The following BNC1 variants were observed in gnomAD, a reference collection of about 807,000 sequenced individuals.
BNC1 encodes the protein basonuclin zinc finger protein 1.
A neutral mutation model predicts 66.5 loss-of-function variants in BNC1; 8 were observed. The ratio of observed to expected loss-of-function variants is 0.12; its 90% CI spans 0.07 to 0.22. The LOEUF (loss-of-function observed/expected upper bound fraction) is 0.22, where lower values mean the gene tolerates loss of function less well. Ranked by LOEUF, BNC1 falls within the 10% of genes least tolerant of loss-of-function variation. The pLI, the probability that BNC1 is intolerant of heterozygous loss-of-function variation, is 1.00. For synonymous variants in BNC1, 454 were observed against 452.6 expected, an observed-to-expected ratio of 1.00 and a Z score of -0.04; for missense variants, 1,069 against 1,241.3, an observed-to-expected ratio of 0.86 and a Z score of 2.09.
Position 83,257,296 on chromosome 15 carries a change from C to A in BNC1, c.*146G>T. 2 of 948,424 alleles carry A rather than the reference C, an allele frequency of 2.1e-6. No individual in the cohort carries two copies. The highest frequency in any genetic ancestry group is 3.1e-6 in the Non-Finnish European group (2 of 639,108). 58.8% of individuals were successfully genotyped at this position (948,424 alleles called of 1,614,324 possible). On this transcript the variant is annotated 3_prime_UTR_variant, in exon 5 of 5. Transcript: ENST00000345382. ...CTTCCCACGAGGTTTGTCTTTTGCT[C>A]ATTGTGCTGTGGAAAACTATAAAGT... is the stretch of plus-strand genomic sequence containing the variant.
Position 83,257,451 on chromosome 15 carries a change from G to A in BNC1, c.2976C>T (p.His992=), listed in dbSNP as rs2151433459. 3 of 1,611,502 alleles carry A rather than the reference G, an allele frequency of 1.9e-6. No homozygotes were observed. Among genetic ancestry groups the A allele is most frequent in the Non-Finnish European group, 2.5e-6 (3 of 1,178,450 alleles). ...TTGGTTTGCCATCTTGTTACTGGAG[G>A]TGACTTGGAGATGAGGCCAGGCTTT... ...LHKSLASSPS[H]LQ The change falls in exon 5 of 5, where the codon CAC becomes CAT. Residue 992 remains histidine, a synonymous_variant. Coordinates refer to ENST00000345382, the MANE Select transcript of BNC1 (RefSeq NM_001717.4).
chr15:83,271,013 C>T (rs917789973), intron 1 of BNC1, among the ~76,000 whole-genome samples: 4 of 152,160 alleles, frequency 2.6e-5, no homozygotes, highest in African/African-American at 4.8e-5. Context: ...CAGTGGCTCA[C>T]GCCTGTAATC....
rs775967686 is a variant in BNC1 at position 83,278,381 on chromosome 15, G to GA, written c.99+6148dup. Among the ~76,000 whole-genome samples the GA allele has an allele frequency of 2.8e-4, 43 of 152,146 alleles. 1 individual carries two copies. The highest frequency in any genetic ancestry group is 1.8e-3 in the Admixed American group (27 of 15,268). ...CTAGGGAAGACTTGAATGACTGCAA[G>GA]AAAAAATCACACAACTGGGTTGGTC... On this transcript the variant is annotated intron_variant, in intron 1 of 4. Transcript: ENST00000345382.
In BNC1 at chr15:83,257,868, G is replaced by A. The variant is rs1418431412; in HGVS notation, c.2559C>T (p.Gly853=). The change falls in exon 5 of 5, where the codon GGC becomes GGT. Residue 853 remains glycine, a synonymous_variant. Transcript: ENST00000345382. ...ESYNSGPLSE[G]TILDLSTTSS... The stretch of plus-strand genomic sequence containing the variant: ...AGGTAGTGCTCAAATCCAGGATGGT[G>A]CCCTCGCTCAAGGGGCCAGAGTTGT... 5.0e-6 allele frequency: 8 copies of A among 1,614,058 alleles called. No individual in the cohort carries two copies. The highest frequency in any genetic ancestry group is 6.8e-6 in the Non-Finnish European group (8 of 1,180,042).
At position 83,264,628 on chromosome 15, in the gene BNC1, A is replaced by G. The variant is rs1184764799; in HGVS notation, c.623T>C (p.Ile208Thr). Residue 208 changes from isoleucine (I) to threonine (T), a missense_variant, in exon 4 of 5, where the codon ATC becomes ACC. By Grantham distance (89) the Ile-to-Thr change is moderately conservative (BLOSUM62 -1). This residue lies in a region of BNC1 where 181 missense variants were observed against 181.5 expected (regional missense o/e 1.00). Transcript: ENST00000345382. ...AGAACTCCTGTGACTGCAGCTCTCG[A>G]TGAAAGCCCTGATATCTACATTTGC... ...STANVDIRAF[I>T]ESCSHRSSSL... The G allele has an allele frequency of 6.2e-7, 1 of 1,614,162 alleles. No individual in the cohort carries two copies. Among genetic ancestry groups the G allele is most frequent in the Non-Finnish European group, 8.5e-7 (1 of 1,180,024 alleles).
At chr15:83,260,414 C>T (rs2038128070) in intron 4 of BNC1, among the ~76,000 whole-genome samples, 2 of 151,834 alleles carry the variant, frequency 1.3e-5, no homozygotes, top group African/African-American at 4.8e-5. Flanking sequence ...AGATATAACC[C>T]AAATAGAGAA....
At chr15:83,284,444 C>T in intron 1 of BNC1, 86 bp downstream of exon 1, 1 of 902,576 alleles carries the variant, frequency 1.1e-6, no homozygotes, top group South Asian at 3.8e-5. Flanking sequence ...CCTCGGGTAC[C>T]CACGGGAGCC....
rs752512068 is a variant in BNC1, at chr15:83,263,112, C to T, written c.2139G>A (p.Arg713=). The T allele has an allele frequency of 6.2e-7, 1 of 1,614,194 alleles. No homozygotes were observed. The highest frequency in any genetic ancestry group is 8.5e-7 in the Non-Finnish European group (1 of 1,180,036). Residue 713 remains arginine (R), a synonymous_variant, in exon 4 of 5, where the codon AGG becomes AGA. Coordinates refer to ENST00000345382, the MANE Select transcript of BNC1 (RefSeq NM_001717.4). The stretch of plus-strand genomic sequence containing the variant: ...ACTGGAAGCGATTTTCTTCTATCTG[C>T]CTTGCTAATGCATGCTGACCCACGT... ...LEHVGQHALA[R]QIEENRFQCD...
intron 1 of BNC1, among the ~76,000 whole-genome samples, chr15:83,282,741 C>T (rs143631726): frequency 8.7e-4 from 132 of 152,328 alleles, no homozygotes; most frequent in Middle Eastern, 6.8e-3. Context: ...CTGCCAAATG[C>T]TGTTTTTCAA....
Position 83,263,740 on chromosome 15 carries a change from G to C in BNC1, c.1511C>G (p.Thr504Arg). ...CGGGAGGGAAGGGAGTATCCCAGGC[G>C]TGTTTGCTACCTCGGCAGGCGTGGC... is the stretch of plus-strand genomic sequence containing the variant. Reference protein sequence around the residue: ...SPATPAEVANTPGILPSLPLL... With the variant: ...SPATPAEVANRPGILPSLPLL... The change falls in exon 4 of 5, where the codon ACG (threonine) becomes AGG (arginine). Residue 504 changes from threonine to arginine, a missense_variant. Physicochemically the swap from Thr to Arg is moderately conservative, Grantham distance 71. This residue lies in a region of BNC1 where 657 missense variants were observed against 715.8 expected (regional missense o/e 0.92). Coordinates refer to ENST00000345382, the MANE Select transcript of BNC1 (RefSeq NM_001717.4). 6.2e-7 allele frequency: 1 copy of C among 1,614,184 alleles called. No individual in the cohort carries two copies. Among genetic ancestry groups the C allele is most frequent in the Non-Finnish European group, 8.5e-7 (1 of 1,180,030 alleles).
At chr15:83,284,339 C>A (rs930244531) in intron 1 of BNC1, among the ~76,000 whole-genome samples, 191 bp downstream of exon 1, 8 of 151,976 alleles carry the variant, frequency 5.3e-5, no homozygotes, top group East Asian at 1.9e-4. Flanking sequence ...CCCAACCCCC[C>A]CGCCGCCGCC....
At chr15:83,259,544 C>T (rs181788692) in intron 4 of BNC1, among the ~76,000 whole-genome samples, 5 of 152,342 alleles carry the variant, frequency 3.3e-5, no homozygotes, top group African/African-American at 1.2e-4. Flanking sequence ...AGCAGCCCTT[C>T]TTAACTCCAA....
At chr15:83,274,619 C>A (rs1020534568) in intron 1 of BNC1, among the ~76,000 whole-genome samples, 8 of 152,182 alleles carry the variant, frequency 5.3e-5, no homozygotes, top group African/African-American at 1.7e-4. Flanking sequence ...TATTTTAAAC[C>A]TCACTACAGT....
At position 83,257,995 on chromosome 15, in the gene BNC1, G is replaced by A. The variant is rs2151433743; in HGVS notation, c.2432C>T (p.Thr811Ile). 1.2e-6 allele frequency: 2 copies of A among 1,614,186 alleles called. No homozygotes were observed. Among genetic ancestry groups the A allele is most frequent in the South Asian group, 1.1e-5 (1 of 91,090 alleles). The stretch of plus-strand genomic sequence containing the variant: ...GACAGATGTCTGGGAGGCTTGCTGT[G>A]TAAAAGCCACATCCTGATAGGCTTC... ...AKEAYQDVAF[T>I]QQASQTSVIF... The change falls in exon 5 of 5, where the codon ACA (threonine) becomes ATA (isoleucine). Residue 811 changes from threonine to isoleucine, a missense_variant. Physicochemically the swap from Thr to Ile is moderately conservative, Grantham distance 89. Coordinates refer to ENST00000345382, the MANE Select transcript of BNC1 (RefSeq NM_001717.4).
chr15:83,262,045 G>GTTTT (rs5814139), intron 4 of BNC1, among the ~76,000 whole-genome samples: 12 of 110,546 alleles, frequency 1.1e-4, no homozygotes, highest in Non-Finnish European at 1.6e-4. Context: ...ACTAGTTCAT[G>GTTTT]TTTTTTTTTT....
In BNC1 at chr15:83,257,330, A is replaced by G; in HGVS notation, c.*112T>C. ...GTGGAAAACTATAAAGTCAAATCAA[A>G]TACTTTTGCCTGACTCGCCCCAAAT... is the stretch of plus-strand genomic sequence containing the variant. On this transcript the variant is annotated 3_prime_UTR_variant, in exon 5 of 5. Transcript: ENST00000345382. The G allele has an allele frequency of 1.6e-6, 2 of 1,253,422 alleles. No homozygotes were observed. Among genetic ancestry groups the G allele is most frequent in the Non-Finnish European group, 2.2e-6 (2 of 896,474 alleles). 77.6% of individuals were successfully genotyped at this position (1,253,422 alleles called of 1,614,324 possible). A position where few individuals can be genotyped will look rare whatever the true frequency, so the allele number is the denominator to read the frequency against.
chr15:83,263,768 G>A lies in BNC1; in HGVS notation c.1483C>T (p.Pro495Ser). 6.2e-7 allele frequency: 1 copy of A among 1,614,188 alleles called. No homozygotes were observed. The highest frequency in any genetic ancestry group is 1.1e-5 in the South Asian group (1 of 91,076). Residue 495 changes from proline (P) to serine (S), a missense_variant, in exon 4 of 5, where the codon CCA becomes TCA. This residue lies in a region of BNC1 where 657 missense variants were observed against 715.8 expected (regional missense o/e 0.92). Coordinates refer to ENST00000345382, the MANE Select transcript of BNC1 (RefSeq NM_001717.4). ...VQPVLPFYRS[P>S]ATPAEVANTP... ...TTTGCTACCTCGGCAGGCGTGGCTG[G>A]ACTGCGGTAGAAAGGAAGGACTGGC...
intron 1 of BNC1, among the ~76,000 whole-genome samples, chr15:83,284,100 A>AG (rs1169198111): frequency 1.3e-5 from 2 of 151,598 alleles, no homozygotes; most frequent in African/African-American, 2.4e-5. Flanking sequence ...CTGAGGTAAA[A>AG]GAAAAAAAAA....
chr15:83,283,607 G>C, intron 1 of BNC1: 2 of 740,768 alleles, frequency 2.7e-6, no homozygotes, highest in Non-Finnish European at 1.6e-6. Context: ...AGGCGCAGCC[G>C]CGGGCTCCGC....
Sources: gnomAD v4.1 joint callset for allele counts (sites outside exome capture counted in the v4.1 genomes callset) on GRCh38, gnomAD v4.1.1 for gene constraint, gnomAD v4.1.1 regional missense constraint, MANE v1.5 for transcripts, NCBI Gene and HGNC (gene_info 2026-07-23, HGNC 2026-07-21) for gene names.